The following KIF16B variants were observed in gnomAD, a reference collection of about 807,000 sequenced individuals.
The protein encoded by KIF16B is kinesin family member 16B.
In KIF16B, 98 loss-of-function variants were observed where a neutral mutation model predicts 156.3. The ratio of observed to expected loss-of-function variants is 0.63; its 90% CI spans 0.53 to 0.74. The LOEUF (loss-of-function observed/expected upper bound fraction) is 0.74, where lower values mean the gene tolerates loss of function less well. Ranked by LOEUF, KIF16B falls within the 30% of genes least tolerant of loss-of-function variation. The probability of loss-of-function intolerance (pLI) is 0.00; values close to 1 mark genes in which losing one functional copy is unlikely to be tolerated. For synonymous variants in KIF16B, 564 were observed against 583.7 expected (o/e 0.97, Z 0.49); for missense variants, 1,421 against 1,606.5 (o/e 0.88, Z 1.97).
intron 15 of KIF16B, among the ~76,000 whole-genome samples, chr20:16,417,799 A>G (rs1168186819): frequency 1.3e-5 from 2 of 152,160 alleles, no homozygotes; most frequent in East Asian, 3.9e-4. Context: ...ACTTAAACAC[A>G]GGTCAACTGA....
intron 1 of KIF16B, among the ~76,000 whole-genome samples, chr20:16,544,695 A>T (rs1221320485): frequency 6.6e-6 from 1 of 151,810 alleles, no homozygotes; most frequent in Admixed American, 6.6e-5. Context: ...GACATTCCAT[A>T]ACACACCACA....
At chr20:16,403,638 A>G (rs999901715) in intron 17 of KIF16B, among the ~76,000 whole-genome samples, 2 of 152,192 alleles carry the variant, frequency 1.3e-5, no homozygotes, top group Non-Finnish European at 2.9e-5. Context: ...GCTGTACTAC[A>G]TGGCTTTTTT....
chr20:16,375,755 TG>T (rs368193884), intron 19 of KIF16B, among the ~76,000 whole-genome samples: 2 of 151,550 alleles, frequency 1.3e-5, no homozygotes, highest in African/African-American at 4.9e-5. Flanking sequence ...AAACTCCTGC[TG>T]GGGTTGTTAA....
At chr20:16,567,474 G>C (rs542518239) in intron 1 of KIF16B, among the ~76,000 whole-genome samples, 5 of 152,062 alleles carry the variant, frequency 3.3e-5, no homozygotes, top group East Asian at 3.9e-4. Flanking sequence ...TTCTCTGATC[G>C]GCATTTCCCT....
chr20:16,419,500 G>A (rs1455512752), intron 15 of KIF16B, among the ~76,000 whole-genome samples: 2 of 152,128 alleles, frequency 1.3e-5, no homozygotes, highest in Non-Finnish European at 2.9e-5. Flanking sequence ...CCACTCTGCA[G>A]ACAATCATCT....
At chr20:16,299,279 A>G (rs919627410) in intron 25 of KIF16B, among the ~76,000 whole-genome samples, 2 of 152,008 alleles carry the variant, frequency 1.3e-5, no homozygotes, top group African/African-American at 4.8e-5. Context: ...TGATGACTGT[A>G]TGTTGAAGTG....
chr20:16,350,301 G>A (rs191828108), intron 23 of KIF16B, among the ~76,000 whole-genome samples: 34 of 152,274 alleles, frequency 2.2e-4, no homozygotes, highest in East Asian at 1.4e-3. Flanking sequence ...GAGCGTAGCC[G>A]GAATGCAGAA....
chr20:16,515,565 T>C lies in KIF16B; in HGVS notation c.331A>G (p.Thr111Ala). Residue 111 changes from threonine (T) to alanine (A), a missense_variant, in exon 4 of 26, where the codon ACT (threonine) becomes GCT (alanine). Coordinates refer to ENST00000354981, the MANE Select transcript of KIF16B (RefSeq NM_024704.5). ...YGQTGSGKSY[T>A]MMGNSGDSGL... ...CAACGTACAGAATTTCCCATCATAG[T>C]GTATGACTTTCCAGATCCAGTTTGC... 1.3e-6 allele frequency: 2 copies of C among 1,588,726 alleles called. No individual in the cohort carries two copies. The highest frequency in any genetic ancestry group is 1.7e-6 in the Non-Finnish European group (2 of 1,156,994).
At position 16,350,855 on chromosome 20, in the gene KIF16B, C is replaced by G. The variant is rs7271466; in HGVS notation, c.3621+5475G>C. ...ATGCATCACACTGCTGGGTGATCCACTGGGTGACTGGTACCAGTCAGGCAC... is the reference window on the plus strand; with the variant it reads ...ATGCATCACACTGCTGGGTGATCCAGTGGGTGACTGGTACCAGTCAGGCAC... On this transcript the variant is annotated intron_variant, in intron 23 of 25. Transcript: ENST00000354981. 4.3e-3 allele frequency among the ~76,000 whole-genome samples: 626 copies of G among 147,038 alleles called. 4 individuals carry two copies. The highest frequency in any genetic ancestry group is 0.016 in the African/African-American group (607 of 38,196).
At chr20:16,342,470 G>T (rs568262419) in intron 23 of KIF16B, among the ~76,000 whole-genome samples, 1 of 152,194 alleles carries the variant, frequency 6.6e-6, no homozygotes, top group East Asian at 1.9e-4. Context: ...ACCTCAATTG[G>T]TAAAACAGAA....
intron 12 of KIF16B, among the ~76,000 whole-genome samples, chr20:16,457,673 G>A (rs773998420): frequency 2.6e-4 from 40 of 152,100 alleles, no homozygotes; most frequent in Non-Finnish European, 4.4e-4. Context: ...TAAACAATCC[G>A]TTGAAAGGCC....
chr20:16,460,718 T>G (rs116285063), intron 12 of KIF16B, among the ~76,000 whole-genome samples: 76 of 151,932 alleles, frequency 5.0e-4, no homozygotes, highest in African/African-American at 1.8e-3. Flanking sequence ...AAGGCACTGA[T>G]AGGAAGCAAC....
In KIF16B at chr20:16,273,032, C is replaced by T. The variant is rs111391439; in HGVS notation, c.*221G>A. 1.0e-3 allele frequency: 526 copies of T among 525,234 alleles called. No individual in the cohort carries two copies. Among genetic ancestry groups the T allele is most frequent in the Middle Eastern group, 4.1e-3 (8 of 1,956 alleles). The allele number at this position is 525,234 out of a possible 1,614,324, so 32.5% of individuals were successfully genotyped here. A position where few individuals can be genotyped will look rare whatever the true frequency, so the allele number is the denominator to read the frequency against. On this transcript the variant is annotated 3_prime_UTR_variant, in exon 26 of 26. Transcript: ENST00000354981. Reference sequence around the variant, plus strand: ...AAGGCCACGTTCAACCGCAATGGAACGGTAACGGCTGCCTGTCAGGGCCAC... The same window carrying T: ...AAGGCCACGTTCAACCGCAATGGAATGGTAACGGCTGCCTGTCAGGGCCAC...
chr20:16,327,289 G>A (rs1241590379), intron 24 of KIF16B, among the ~76,000 whole-genome samples: 1 of 151,812 alleles, frequency 6.6e-6, no homozygotes, highest in Non-Finnish European at 1.5e-5. Context: ...GGGACTCAGG[G>A]GAAAGGGTGG....
intron 25 of KIF16B, among the ~76,000 whole-genome samples, chr20:16,284,904 G>A (rs1465876235): frequency 6.6e-6 from 1 of 152,206 alleles, no homozygotes; most frequent in Non-Finnish European, 1.5e-5. Context: ...GACTCAGGGT[G>A]AGCACGCGCC....
At chr20:16,301,105 G>T (rs116015695) in intron 25 of KIF16B, among the ~76,000 whole-genome samples, 2,496 of 152,160 alleles carry the variant, frequency 0.016, 69 homozygotes, top group African/African-American at 0.058. Context: ...TTTTCAAATT[G>T]TCTTCTTCTA....
At chr20:16,368,191 A>C (rs1158843651) in intron 22 of KIF16B, 6 of 1,070,602 alleles carry the variant, frequency 5.6e-6, no homozygotes, top group Non-Finnish European at 6.8e-6. Flanking sequence ...CGGGAATTGC[A>C]CAAGGCTCTG....
At chr20:16,445,280 A>C (rs1374229721) in intron 12 of KIF16B, among the ~76,000 whole-genome samples, 2 of 152,156 alleles carry the variant, frequency 1.3e-5, no homozygotes, top group African/African-American at 4.8e-5. Context: ...CCCCAAAGAA[A>C]TCTATAATAA....
intron 12 of KIF16B, among the ~76,000 whole-genome samples, chr20:16,431,190 T>A (rs772185422): frequency 6.6e-6 from 1 of 152,118 alleles, no homozygotes; most frequent in Non-Finnish European, 1.5e-5. Flanking sequence ...GTCTTTCACC[T>A]GGGTTACTGT....
Sources: allele counts gnomAD v4.1 joint callset (sites outside exome capture counted in the v4.1 genomes callset), GRCh38; gene constraint gnomAD v4.1.1; transcripts MANE v1.5; gene names NCBI Gene and HGNC (gene_info 2026-07-23, HGNC 2026-07-21).